Variants in RBFOX1 observed in about 807,000 individuals in gnomAD.
The protein encoded by RBFOX1 is RNA binding fox-1 homolog 1, also known as RNA binding protein fox-1 homolog 1.
A neutral mutation model predicts 57.7 loss-of-function variants in RBFOX1; 8 were observed. The observed-to-expected ratio is 0.14, with a 90% confidence interval of 0.08 to 0.25. The LOEUF (loss-of-function observed/expected upper bound fraction) is 0.25, where lower values mean the gene tolerates loss of function less well. Ranked by LOEUF, RBFOX1 falls within the 10% of genes least tolerant of loss-of-function variation. The pLI is 1.00. For synonymous variants in RBFOX1, 326 were observed against 222.4 expected (o/e 1.47, Z -4.15); for missense variants, 611 against 548.5 (o/e 1.11, Z -1.14).
intron 4 of RBFOX1, among the ~76,000 whole-genome samples, chr16:7,443,034 C>T (rs1360534400): frequency 7.2e-5 from 11 of 152,294 alleles, no homozygotes; most frequent in African/African-American, 1.7e-4. Flanking sequence ...ATCCTTTTTA[C>T]TTTGGGCAGC....
chr16:5,916,997 C>A lies in RBFOX1; in HGVS notation c.351+49662C>A, dbSNP rs112852157. ...TGTTATGACCTGCATCCCATGTGCC[C>A]CTGGGATGGGGATGAATTGAGTCAG... is the stretch of plus-strand genomic sequence containing the variant. On this transcript the variant is annotated intron_variant, in intron 4 of 19. Coordinates refer to the RBFOX1 transcript ENST00000641259. Among the ~76,000 whole-genome samples, 250 of 152,200 alleles carry A rather than the reference C, an allele frequency of 1.6e-3. 2 individuals carry two copies. The highest frequency in any genetic ancestry group is 5.6e-3 in the African/African-American group (234 of 41,534).
chr16:5,258,617 G>A (rs2062649681), intron 1 of RBFOX1, among the ~76,000 whole-genome samples: 1 of 152,100 alleles, frequency 6.6e-6, no homozygotes, highest in African/African-American at 2.4e-5. Context: ...GTCCATTGTG[G>A]CTTTACTTGA....
chr16:7,108,201 G>C (rs974512035), intron 4 of RBFOX1, among the ~76,000 whole-genome samples: 1 of 152,048 alleles, frequency 6.6e-6, no homozygotes, highest in African/African-American at 2.4e-5. Flanking sequence ...ACAGTCTCTG[G>C]GTCATCATGA....
At chr16:6,860,142 C>T (rs549692192) in intron 3 of RBFOX1, among the ~76,000 whole-genome samples, 10 of 152,246 alleles carry the variant, frequency 6.6e-5, no homozygotes, top group African/African-American at 2.4e-4. Flanking sequence ...CACTGCTTTC[C>T]TGGCATATGT....
At chr16:6,842,602 T>C (rs2093539822) in intron 3 of RBFOX1, among the ~76,000 whole-genome samples, 1 of 151,638 alleles carries the variant, frequency 6.6e-6, no homozygotes, top group African/African-American at 2.4e-5. Flanking sequence ...AATTTATGTA[T>C]CCAGTTTCCT....
In RBFOX1 at chr16:6,415,796, C is replaced by G. The variant is rs78465352; in HGVS notation, c.-64+98739C>G. On this transcript the variant is annotated intron_variant, in intron 2 of 15. Transcript: ENST00000550418. ...AACCTCAGGATATCTGTGAGATACA[C>G]AAATGCAGACGCAAATGACTGTTCT... 8.5e-3 allele frequency among the ~76,000 whole-genome samples: 1,298 copies of G among 152,268 alleles called. 11 individuals carry two copies. Among genetic ancestry groups the G allele is most frequent in the Non-Finnish European group, 0.014 (979 of 68,018 alleles).
At chr16:5,502,210 T>C (rs2043221908) in intron 2 of RBFOX1, among the ~76,000 whole-genome samples, 1 of 152,078 alleles carries the variant, frequency 6.6e-6, no homozygotes. Flanking sequence ...GCAGCAGCTT[T>C]GGGCAGAAGG....
intron 3 of RBFOX1, among the ~76,000 whole-genome samples, chr16:6,673,176 T>A (rs1312731723): frequency 2.6e-5 from 4 of 152,190 alleles, no homozygotes. Flanking sequence ...GCTCATCATT[T>A]TATGGTCTCC....
chr16:7,399,840 T>C (rs2098210621), intron 4 of RBFOX1, among the ~76,000 whole-genome samples: 2 of 152,194 alleles, frequency 1.3e-5, no homozygotes, highest in South Asian at 4.1e-4. Flanking sequence ...GGGGACAAAA[T>C]TCAATCTACT....
At chr16:7,441,608 C>A (rs769167918) in intron 4 of RBFOX1, among the ~76,000 whole-genome samples, 7 of 151,942 alleles carry the variant, frequency 4.6e-5, no homozygotes, top group Non-Finnish European at 8.8e-5. Context: ...TGCTTTTTTC[C>A]CCCCTGTTAT....
chr16:5,767,946 C>G (rs1188169024), intron 3 of RBFOX1, among the ~76,000 whole-genome samples: 1 of 151,286 alleles, frequency 6.6e-6, no homozygotes, highest in African/African-American at 2.4e-5. Flanking sequence ...TCTCTGCAGA[C>G]AAAAAAAATG....
At position 7,688,248 on chromosome 16, in the gene RBFOX1, T is replaced by A. The variant is rs369607980; in HGVS notation, c.995+11410T>A. 2.5e-4 allele frequency among the ~76,000 whole-genome samples: 24 copies of A among 97,318 alleles called. 1 individual carries two copies. Among genetic ancestry groups the A allele is most frequent in the East Asian group, 1.0e-3 (2 of 2,008 alleles). 63.8% of individuals were successfully genotyped at this position (97,318 alleles called of 152,430 possible). On this transcript the variant is annotated intron_variant, in intron 14 of 15. Transcript: ENST00000550418. Reference sequence around the variant, plus strand: ...GTGTGTGTGTGTGTGTGTGTGTGTGTGTGTGTGTGTGTGAGAGAGAGAGAG... The same window carrying A: ...GTGTGTGTGTGTGTGTGTGTGTGTGAGTGTGTGTGTGTGAGAGAGAGAGAG...
At chr16:7,106,546 A>G (rs758605005) in intron 4 of RBFOX1, among the ~76,000 whole-genome samples, 1 of 152,162 alleles carries the variant, frequency 6.6e-6, no homozygotes, top group East Asian at 1.9e-4. Flanking sequence ...TGGCTTAAAC[A>G]TTTGTGTTTT....
chr16:6,801,923 C>T (rs548936911), intron 3 of RBFOX1, among the ~76,000 whole-genome samples: 2 of 152,096 alleles, frequency 1.3e-5, no homozygotes, highest in Non-Finnish European at 2.9e-5. Context: ...GGACCTTCAT[C>T]TGGACCTTCA....
At chr16:7,280,970 TCC>T (rs2095530625) in intron 4 of RBFOX1, among the ~76,000 whole-genome samples, 1 of 36,718 alleles carries the variant, frequency 2.7e-5, no homozygotes, top group Admixed American at 2.6e-4. Flanking sequence ...CCTCCCTCCC[TCC>T]CTCCCTCCCT....
intron 4 of RBFOX1, among the ~76,000 whole-genome samples, chr16:7,088,871 T>C (rs1194967908): frequency 6.6e-6 from 1 of 152,210 alleles, no homozygotes; most frequent in Non-Finnish European, 1.5e-5. Flanking sequence ...TCATCATCAC[T>C]GTTGTTTTTC....
intron 4 of RBFOX1, among the ~76,000 whole-genome samples, chr16:7,461,256 C>T (rs931713012): frequency 9.2e-5 from 14 of 152,028 alleles, no homozygotes. Context: ...CAACCTCCAC[C>T]TCCCAGGTTC....
chr16:7,487,177 C>T (rs949338677), intron 4 of RBFOX1, among the ~76,000 whole-genome samples: 2 of 152,138 alleles, frequency 1.3e-5, no homozygotes, highest in South Asian at 2.1e-4. Flanking sequence ...TGGGATTACA[C>T]GTGTGAGCCA....
At position 6,066,121 on chromosome 16, in the gene RBFOX1, C is replaced by G. The variant is rs377408105; in HGVS notation, c.-127+46129C>G. On this transcript the variant is annotated intron_variant, in intron 1 of 15. Coordinates refer to ENST00000550418, the MANE Select transcript of RBFOX1 (RefSeq NM_018723.4). ...CCCTGCTGGCCAACACGGTGAAACC[C>G]CCTCTCTACTAAAAACACAAAAATT... is the stretch of plus-strand genomic sequence containing the variant. Among the ~76,000 whole-genome samples, 8 of 151,758 alleles carry G rather than the reference C, an allele frequency of 5.3e-5. No homozygotes were observed. In the South Asian group the frequency reaches 1.7e-3, roughly 32 times the overall value.
Sources: gnomAD v4.1 joint callset for allele counts (sites outside exome capture counted in the v4.1 genomes callset) on GRCh38, gnomAD v4.1.1 for gene constraint, MANE v1.5 for transcripts, NCBI Gene and HGNC (gene_info 2026-07-23, HGNC 2026-07-21) for gene names.